Variants in SDC2 observed in about 807,000 individuals in gnomAD.
The protein encoded by SDC2 is syndecan 2.
Under a neutral mutation model 22.2 loss-of-function variants are expected in SDC2, and 13 were observed. The observed-to-expected ratio is 0.59, with a 90% CI of 0.38 to 0.93. SDC2 has a LOEUF of 0.93. Ranked by LOEUF, SDC2 falls within the 40% of genes least tolerant of loss-of-function variation. The pLI, the probability that SDC2 is intolerant of heterozygous loss-of-function variation, is 0.00. For synonymous variants in SDC2, 94 were observed against 92.8 expected (o/e 1.01, Z -0.07); for missense variants, 235 against 246.8 (o/e 0.95, Z 0.32).
intron 1 of SDC2, among the ~76,000 whole-genome samples, chr8:96,517,770 CATGTGT>C (rs1480641308): frequency 2.2e-3 from 160 of 73,318 alleles, no homozygotes; most frequent in African/African-American, 0.01. Context: ...TGTGTGTGTG[CATGTGT>C]GTGTGTGTGT....
In SDC2 at chr8:96,609,964, C is replaced by T. The variant is rs1233478166; in HGVS notation, c.*416C>T. On this transcript the variant is annotated 3_prime_UTR_variant, in exon 5 of 5. Transcript: ENST00000302190. ...TGTCCCCTTCCTCTCCTCTGCCCTC[C>T]CTTCTTGTGCCCTTAAAACCAAACC... 2 of 153,682 alleles carry T rather than the reference C, an allele frequency of 1.3e-5. No individual in the cohort carries two copies. Among genetic ancestry groups the T allele is most frequent in the Non-Finnish European group, 2.9e-5 (2 of 68,818 alleles). The allele number at this position is 153,682 out of a possible 1,614,324, so 9.5% of individuals were successfully genotyped here.
At chr8:96,568,441 G>A (rs1025976832) in intron 1 of SDC2, among the ~76,000 whole-genome samples, 4 of 152,210 alleles carry the variant, frequency 2.6e-5, no homozygotes, top group Non-Finnish European at 5.9e-5. Flanking sequence ...TTAGTGTCTG[G>A]TGGTGGAGCC....
At chr8:96,511,164 C>T (rs116162623) in intron 1 of SDC2, among the ~76,000 whole-genome samples, 3,468 of 152,244 alleles carry the variant, frequency 0.023, 130 homozygotes, top group African/African-American at 0.078. Flanking sequence ...TGCTAACGTT[C>T]GAGAACCTCT....
chr8:96,501,667 T>C lies in SDC2; in HGVS notation c.60+7336T>C, dbSNP rs148434736. ...AAATATAAATACAGTAGACTAAATA[T>C]ACAACATTTTAAGTCAAGGCAAAAG... On this transcript the variant is annotated intron_variant, in intron 1 of 4. Coordinates refer to ENST00000302190, the MANE Select transcript of SDC2 (RefSeq NM_002998.4). Among the ~76,000 whole-genome samples the C allele has an allele frequency of 2.6e-5, 4 of 152,270 alleles. No homozygotes were observed. In the East Asian group the frequency reaches 7.7e-4, roughly 29 times the overall value.
chr8:96,570,274 G>A (rs1814371481), intron 1 of SDC2, among the ~76,000 whole-genome samples: 1 of 152,166 alleles, frequency 6.6e-6, no homozygotes, highest in Non-Finnish European at 1.5e-5. Flanking sequence ...ATAACTAGTA[G>A]TCTCCAGTGA....
chr8:96,540,070 A>G (rs1416663040), intron 1 of SDC2, among the ~76,000 whole-genome samples: 1 of 152,076 alleles, frequency 6.6e-6, no homozygotes, highest in Non-Finnish European at 1.5e-5. Flanking sequence ...AAATAGGAAG[A>G]AAAATGTAGT....
intron 1 of SDC2, among the ~76,000 whole-genome samples, chr8:96,568,575 T>G (rs562459974): frequency 5.3e-4 from 80 of 152,294 alleles, no homozygotes; most frequent in African/African-American, 1.9e-3. Flanking sequence ...AGTTCTTGAT[T>G]TATAGGTAGA....
chr8:96,581,175 C>G (rs1372160590), intron 1 of SDC2, among the ~76,000 whole-genome samples: 1 of 152,150 alleles, frequency 6.6e-6, no homozygotes, highest in Non-Finnish European at 1.5e-5. Context: ...ATAAATCAGC[C>G]TCATTCGGGG....
intron 1 of SDC2, among the ~76,000 whole-genome samples, chr8:96,499,362 G>T (rs1248751247): frequency 2.6e-5 from 4 of 152,218 alleles, no homozygotes; most frequent in African/African-American, 9.6e-5. Context: ...GGGGGTGGGA[G>T]TGTGGGGGAA....
At chr8:96,557,424 A>C (rs1218731908) in intron 1 of SDC2, among the ~76,000 whole-genome samples, 93 of 146,748 alleles carry the variant, frequency 6.3e-4, no homozygotes, top group Non-Finnish European at 1.1e-3. Flanking sequence ...GCACATATAC[A>C]CCATGGAATA....
At position 96,494,220 on chromosome 8, in the gene SDC2, C is replaced by G; in HGVS notation, c.-52C>G. On this transcript the variant is annotated 5_prime_UTR_variant, in exon 1 of 5. Coordinates refer to ENST00000302190, the MANE Select transcript of SDC2 (RefSeq NM_002998.4). ...GCGCCGAGCGCTGGGCAGGAGGCTT[C>G]GTTTTGCCCTGGTTGCAAGCAGCGG... is the stretch of plus-strand genomic sequence containing the variant. 6.6e-7 allele frequency: 1 copy of G among 1,525,086 alleles called. No individual in the cohort carries two copies. The highest frequency in any genetic ancestry group is 8.8e-7 in the Non-Finnish European group (1 of 1,134,370). 94.5% of individuals were successfully genotyped at this position (1,525,086 alleles called of 1,614,324 possible).
chr8:96,602,203 A>G (rs1291370809), intron 2 of SDC2, among the ~76,000 whole-genome samples, 192 bp from the exon 3 acceptor site: 4 of 152,220 alleles, frequency 2.6e-5, no homozygotes, highest in Non-Finnish European at 5.9e-5. Flanking sequence ...TTGCTAGACT[A>G]CCCACAGACA....
chr8:96,598,533 G>A (rs778228175), intron 2 of SDC2, among the ~76,000 whole-genome samples: 2 of 152,028 alleles, frequency 1.3e-5, no homozygotes, highest in Admixed American at 6.6e-5. Flanking sequence ...CAGGAGAATC[G>A]CTTGAACTCG....
chr8:96,497,489 C>G (rs552501528), intron 1 of SDC2, among the ~76,000 whole-genome samples: 1 of 152,298 alleles, frequency 6.6e-6, no homozygotes, highest in Admixed American at 6.5e-5. Flanking sequence ...TGATGGTAAC[C>G]ACCCTTCGAG....
intron 1 of SDC2, among the ~76,000 whole-genome samples, chr8:96,522,292 C>T (rs1011888300): frequency 1.3e-5 from 2 of 152,086 alleles, no homozygotes; most frequent in African/African-American, 4.8e-5. Flanking sequence ...CTAATCAGGA[C>T]ATGCCTGTGT....
chr8:96,586,537 C>T (rs145290691), intron 1 of SDC2: 3 of 152,204 alleles, frequency 2.0e-5, no homozygotes, highest in African/African-American at 7.2e-5. Context: ...ATCAGTGGCA[C>T]CTTCCAAGTA....
At chr8:96,597,163 A>G (rs1446997210) in intron 2 of SDC2, among the ~76,000 whole-genome samples, 1 of 152,176 alleles carries the variant, frequency 6.6e-6, no homozygotes, top group Admixed American at 6.5e-5. Context: ...TAAGACAGAG[A>G]AAATAAGTTC....
Position 96,540,340 on chromosome 8 carries a change from G to GTGTGTATATATATATATATA in SDC2, c.60+46010_60+46011insGTGTATATATATATATATAT, listed in dbSNP as rs4058341. 4.4e-4 allele frequency among the ~76,000 whole-genome samples: 55 copies of GTGTGTATATATATATATATA among 123,688 alleles called. No homozygotes were observed. In the East Asian group the frequency reaches 7.5e-3, roughly 17 times the overall value. 81.1% of individuals were successfully genotyped at this position (123,688 alleles called of 152,430 possible). ...AACCCTGTCTCTACTATATATATGT[G>GTGTGTATATATATATATATA]TATATATATATATATAAAAATTAGT... On this transcript the variant is annotated intron_variant, in intron 1 of 4. Transcript: ENST00000302190.
chr8:96,497,687 C>T (rs1272605266), intron 1 of SDC2, among the ~76,000 whole-genome samples: 2 of 152,160 alleles, frequency 1.3e-5, no homozygotes, highest in South Asian at 4.1e-4. Flanking sequence ...GGCAAGGCCC[C>T]TGAAGCTGAC....
Sources: gnomAD v4.1 joint callset for allele counts (sites outside exome capture counted in the v4.1 genomes callset) on GRCh38, gnomAD v4.1.1 for gene constraint, MANE v1.5 for transcripts, NCBI Gene and HGNC (gene_info 2026-07-23, HGNC 2026-07-21) for gene names.